Variants in ACSBG1 observed in about 807,000 individuals in gnomAD.
The protein encoded by ACSBG1 is acyl-CoA synthetase bubblegum family member 1, also known as long-chain-fatty-acid--CoA ligase ACSBG1.
ACSBG1 carries 39 observed loss-of-function variants against 80.2 expected under a neutral mutation model. The ratio of observed to expected loss-of-function variants is 0.49; its 90% CI spans 0.38 to 0.64. ACSBG1 has a LOEUF of 0.64. Ranked by LOEUF, ACSBG1 falls within the 30% of genes least tolerant of loss-of-function variation. The probability of loss-of-function intolerance (pLI) is 0.00; values close to 1 mark genes in which losing one functional copy is unlikely to be tolerated. For synonymous variants in ACSBG1, 392 were observed against 379.5 expected, an observed-to-expected ratio of 1.03 and a Z score of -0.38; for missense variants, 828 against 966.4, an observed-to-expected ratio of 0.86 and a Z score of 1.90.
chr15:78,180,963 G>A (rs1287473978), intron 8 of ACSBG1, 27 bp from the exon 9 acceptor site: 1 of 1,605,716 alleles, frequency 6.2e-7, no homozygotes, highest in Admixed American at 1.7e-5. Flanking sequence ...AGGCAGGCCT[G>A]TTGGGTCAGG....
chr15:78,225,358 G>C (rs142068833), intron 1 of ACSBG1, among the ~76,000 whole-genome samples: 6 of 150,872 alleles, frequency 4.0e-5, no homozygotes, highest in Admixed American at 4.0e-4. Flanking sequence ...CCGAGATCAC[G>C]GCATTGCACT....
chr15:78,191,805 C>G (rs2075059299), intron 5 of ACSBG1, among the ~76,000 whole-genome samples: 1 of 152,140 alleles, frequency 6.6e-6, no homozygotes, highest in Non-Finnish European at 1.5e-5. Flanking sequence ...TTATGAAGGA[C>G]ATGGTATCAC....
chr15:78,222,085 T>G (rs1181001345), intron 1 of ACSBG1, among the ~76,000 whole-genome samples: 1 of 152,202 alleles, frequency 6.6e-6, no homozygotes, highest in Admixed American at 6.5e-5. Flanking sequence ...CAAAATGTGG[T>G]ATGTTCACAT....
At chr15:78,217,590 G>C (rs533380936) in intron 1 of ACSBG1, among the ~76,000 whole-genome samples, 22 of 149,552 alleles carry the variant, frequency 1.5e-4, no homozygotes, top group African/African-American at 5.2e-4. Context: ...TTTTGAGATG[G>C]AGTCTTCACT....
At chr15:78,186,081 G>C (rs946676312) in intron 5 of ACSBG1, among the ~76,000 whole-genome samples, 2 of 152,090 alleles carry the variant, frequency 1.3e-5, no homozygotes, top group African/African-American at 4.8e-5. Context: ...TCCTGTATTG[G>C]GTGCATATAT....
chr15:78,208,514 C>G (rs1360686960), intron 1 of ACSBG1, among the ~76,000 whole-genome samples: 1 of 152,196 alleles, frequency 6.6e-6, no homozygotes. Flanking sequence ...GGCGGGGGTT[C>G]CCCCATCTGT....
At chr15:78,220,951 T>C (rs2075355163) in intron 1 of ACSBG1, among the ~76,000 whole-genome samples, 2 of 152,226 alleles carry the variant, frequency 1.3e-5, no homozygotes, top group South Asian at 4.1e-4. Flanking sequence ...TCCACTCCTT[T>C]GTATATACCC....
intron 1 of ACSBG1, among the ~76,000 whole-genome samples, chr15:78,223,267 AG>A (rs2075373210): frequency 8.0e-5 from 1 of 12,504 alleles, no homozygotes; most frequent in Admixed American, 1.2e-3. Context: ...GGACATAGGG[AG>A]GGGCCTGTTG....
intron 1 of ACSBG1, among the ~76,000 whole-genome samples, chr15:78,227,680 A>G (rs1421234262): frequency 6.6e-6 from 1 of 152,224 alleles, no homozygotes; most frequent in South Asian, 2.1e-4. Context: ...AACACCTTAT[A>G]CAAGAATTTC....
In ACSBG1 at chr15:78,185,994, G is replaced by GTA. The variant is rs201644404; in HGVS notation, c.664-3211_664-3210dup. ...GAAAGAATGTATTGCCATCAGACCTGTATTATAAGAAATGTTAAAGAAAAG... is the reference window on the plus strand; with the variant it reads ...GAAAGAATGTATTGCCATCAGACCTGTATATTATAAGAAATGTTAAAGAAAAG... On this transcript the variant is annotated intron_variant, in intron 5 of 13. Coordinates refer to ENST00000258873, the MANE Select transcript of ACSBG1 (RefSeq NM_015162.5). 7.4e-3 allele frequency among the ~76,000 whole-genome samples: 1,129 copies of GTA among 152,296 alleles called. 5 individuals are homozygous for GTA. The highest frequency in any genetic ancestry group is 0.024 in the Middle Eastern group (7 of 294).
At chr15:78,210,759 C>T (rs1191465404) in intron 1 of ACSBG1, among the ~76,000 whole-genome samples, 1 of 152,162 alleles carries the variant, frequency 6.6e-6, no homozygotes, top group African/African-American at 2.4e-5. Context: ...GACTACAGGA[C>T]AGCACCACAA....
chr15:78,216,472 G>A (rs1354995440), intron 1 of ACSBG1, among the ~76,000 whole-genome samples: 1 of 152,196 alleles, frequency 6.6e-6, no homozygotes, highest in Admixed American at 6.5e-5. Flanking sequence ...GATAGGCATG[G>A]ACTGTGGACC....
chr15:78,207,923 A>ACCCCCCCCCCCCCCCCCCCCCC, intron 2 of ACSBG1, 79 bp downstream of exon 2: 1 of 284,792 alleles, frequency 3.5e-6, no homozygotes, highest in African/African-American at 2.9e-5. Context: ...GTGGTCCCCC[A>ACCCCCCCCCCCCCCCCCCCCCC]CACCACCCAC....
intron 1 of ACSBG1, among the ~76,000 whole-genome samples, chr15:78,215,720 GAAAGAGAAAGAA>G (rs1460583458): frequency 1.7e-5 from 2 of 120,744 alleles, no homozygotes; most frequent in South Asian, 2.8e-4. Flanking sequence ...GAGAAAGAAA[GAAAGAGAAAGAA>G]AGAAAGAAAG....
At chr15:78,202,087 T>C (rs4334267) in intron 2 of ACSBG1, among the ~76,000 whole-genome samples, 119,860 of 152,114 alleles carry the variant, frequency 0.79, 47,292 homozygotes, top group East Asian at 0.87. Flanking sequence ...GTGGCGGCAG[T>C]AGGGCAGGGA....
chr15:78,214,031 G>A (rs962265662), intron 1 of ACSBG1, among the ~76,000 whole-genome samples: 2 of 152,190 alleles, frequency 1.3e-5, no homozygotes, highest in Non-Finnish European at 2.9e-5. Context: ...GGTTTACCCA[G>A]TATGTGCATG....
chr15:78,188,364 C>T (rs368209767), intron 5 of ACSBG1, among the ~76,000 whole-genome samples: 4,291 of 151,888 alleles, frequency 0.028, 71 homozygotes, highest in East Asian at 0.068. Context: ...CCTGCATCGC[C>T]AAGTCAATCC....
intron 2 of ACSBG1, among the ~76,000 whole-genome samples, chr15:78,196,259 A>T (rs955145160): frequency 6.6e-6 from 1 of 152,208 alleles, no homozygotes; most frequent in Non-Finnish European, 1.5e-5. Context: ...GACCTCTCCA[A>T]GCCTTGCCCC....
At chr15:78,189,070 A>T (rs1327653766) in intron 5 of ACSBG1, among the ~76,000 whole-genome samples, 2 of 152,170 alleles carry the variant, frequency 1.3e-5, no homozygotes, top group South Asian at 4.1e-4. Context: ...ACATGAAAAA[A>T]TGCTCACCAT....
Sources: allele counts gnomAD v4.1 joint callset (sites outside exome capture counted in the v4.1 genomes callset), GRCh38; gene constraint gnomAD v4.1.1; transcripts MANE v1.5; gene names NCBI Gene and HGNC (gene_info 2026-07-23, HGNC 2026-07-21).